MCF2L2: variants seen among roughly 807,000 people sequenced by gnomAD.
MCF2L2 encodes the protein MCF.2 cell line derived transforming sequence-like 2, also known as probable guanine nucleotide exchange factor MCF2L2.
MCF2L2 carries 102 observed loss-of-function variants against 150.2 expected under a neutral mutation model. The ratio of observed to expected loss-of-function variants is 0.68; its 90% CI spans 0.58 to 0.80. The LOEUF (loss-of-function observed/expected upper bound fraction) is 0.80. MCF2L2 is among the 30% of genes least tolerant of loss of function. MCF2L2 has a pLI of 0.00. For synonymous variants in MCF2L2, 465 were observed against 491.3 expected, an observed-to-expected ratio of 0.95 and a Z score of 0.71; for missense variants, 1,256 against 1,372.8, an observed-to-expected ratio of 0.91 and a Z score of 1.34.
intron 6 of MCF2L2, among the ~76,000 whole-genome samples, chr3:183,322,449 T>C (rs1560021072): frequency 6.6e-6 from 1 of 152,032 alleles, no homozygotes; most frequent in Non-Finnish European, 1.5e-5. Flanking sequence ...CCAGTTAACT[T>C]TCCCCACTAA....
At chr3:183,217,539 A>C (rs770673572) in intron 21 of MCF2L2, among the ~76,000 whole-genome samples, 3 of 152,166 alleles carry the variant, frequency 2.0e-5, no homozygotes, top group Non-Finnish European at 2.9e-5. Flanking sequence ...TTTAATGTGG[A>C]AGCCTTATTC....
intron 27 of MCF2L2, among the ~76,000 whole-genome samples, chr3:183,185,706 A>G (rs1052955125): frequency 6.6e-6 from 1 of 152,126 alleles, no homozygotes; most frequent in African/African-American, 2.4e-5. Context: ...AGAGTTCCAA[A>G]ATGTTTCCAG....
chr3:183,255,064 G>A (rs1724916630), intron 15 of MCF2L2, among the ~76,000 whole-genome samples: 1 of 152,218 alleles, frequency 6.6e-6, no homozygotes, highest in African/African-American at 2.4e-5. Flanking sequence ...ATGGTGGCCT[G>A]AGGCTCATAT....
At chr3:183,342,501 G>T (rs891256884) in intron 3 of MCF2L2, among the ~76,000 whole-genome samples, 3 of 152,232 alleles carry the variant, frequency 2.0e-5, no homozygotes, top group East Asian at 3.9e-4. Context: ...TTTATATATT[G>T]TGTGTGCTTT....
At chr3:183,393,891 C>T (rs1714303346) in intron 1 of MCF2L2, among the ~76,000 whole-genome samples, 1 of 152,228 alleles carries the variant, frequency 6.6e-6, no homozygotes, top group African/African-American at 2.4e-5. Context: ...GATATCTCAA[C>T]ACTGTCTGAC....
chr3:183,256,636 A>C (rs1188992273), intron 15 of MCF2L2, among the ~76,000 whole-genome samples: 1 of 152,196 alleles, frequency 6.6e-6, no homozygotes, highest in Non-Finnish European at 1.5e-5. Flanking sequence ...ATACTGTTCT[A>C]CAGCCTAAGA....
chr3:183,288,719 A>G (rs1217665488), intron 14 of MCF2L2, among the ~76,000 whole-genome samples: 1 of 152,072 alleles, frequency 6.6e-6, no homozygotes, highest in East Asian at 1.9e-4. Context: ...TGACCTCGTG[A>G]TCTTCCCACC....
At chr3:183,404,847 T>G (rs1406190747) in intron 1 of MCF2L2, among the ~76,000 whole-genome samples, 1 of 151,732 alleles carries the variant, frequency 6.6e-6, no homozygotes, top group Non-Finnish European at 1.5e-5. Flanking sequence ...CAGGCGACAG[T>G]GCAAGACTCC....
At chr3:183,427,785 AC>A in intron 1 of MCF2L2, 116 bp downstream of exon 1, 8 of 860,100 alleles carry the variant, frequency 9.3e-6, no homozygotes, top group Non-Finnish European at 9.5e-6. Flanking sequence ...ATGCCGGGCA[AC>A]CCCCCAGGAA....
intron 7 of MCF2L2, among the ~76,000 whole-genome samples, chr3:183,316,676 C>T (rs1729616550): frequency 6.7e-6 from 1 of 149,294 alleles, no homozygotes; most frequent in South Asian, 2.1e-4. Context: ...TGACAGTAAT[C>T]TTTGGAATAT....
chr3:183,389,898 C>T, intron 1 of MCF2L2, 119 bp from the exon 2 acceptor site: 2 of 739,462 alleles, frequency 2.7e-6, no homozygotes, highest in Non-Finnish European at 4.7e-6. Flanking sequence ...AGAGACGGTG[C>T]TGGCACAACA....
At chr3:183,382,626 T>C (rs112280190) in intron 2 of MCF2L2, among the ~76,000 whole-genome samples, 1 of 152,088 alleles carries the variant, frequency 6.6e-6, no homozygotes, top group Non-Finnish European at 1.5e-5. Context: ...GAAGAAAGAA[T>C]AATTATTCCA....
chr3:183,416,199 T>C (rs1343357900), intron 1 of MCF2L2, among the ~76,000 whole-genome samples: 2 of 152,200 alleles, frequency 1.3e-5, no homozygotes, highest in East Asian at 1.9e-4. Flanking sequence ...TATCTACGTA[T>C]GTTATAAACC....
In MCF2L2 at chr3:183,406,498, T is replaced by G. The variant is rs150721322; in HGVS notation, c.77-16719A>C. 1.3e-3 allele frequency among the ~76,000 whole-genome samples: 199 copies of G among 151,010 alleles called. 1 individual carries two copies. In the East Asian group the frequency reaches 0.023, roughly 17 times the overall value. ...CAGATATGCTATTCACAAGTCTTGG[T>G]TTTTTTTGAGACAGAGTTTTGCTCT... On this transcript the variant is annotated intron_variant, in intron 1 of 29. Transcript: ENST00000328913.
rs1393623774 is a variant in MCF2L2, at chr3:183,205,909, T to C, written c.2851A>G (p.Lys951Glu). ...TTATTTTGTTGTTCCATCAATAATT[T>C]ACTTATTTCTGAAAACCAACAGTCT... ...IRDCWFSEIS[K>E]LLMEQQNNIK... The change falls in exon 25 of 30, where the codon AAA becomes GAA. Residue 951 changes from lysine to glutamate, a missense_variant. Transcript: ENST00000328913. 3 of 1,614,082 alleles carry C rather than the reference T, an allele frequency of 1.9e-6. No homozygotes were observed. Among genetic ancestry groups the C allele is most frequent in the Middle Eastern group, 3.3e-4 (2 of 6,060 alleles).
chr3:183,357,082 T>C (rs965456650), intron 3 of MCF2L2, among the ~76,000 whole-genome samples: 2 of 152,174 alleles, frequency 1.3e-5, no homozygotes, highest in South Asian at 2.1e-4. Flanking sequence ...ATTAGTGATC[T>C]GAAATCAGTG....
intron 14 of MCF2L2, among the ~76,000 whole-genome samples, chr3:183,285,452 T>C (rs1727734610): frequency 6.6e-6 from 1 of 152,220 alleles, no homozygotes; most frequent in Admixed American, 6.5e-5. Context: ...CATTTACTAG[T>C]TGTATGACCC....
At chr3:183,340,578 G>A (rs1404799489) in intron 4 of MCF2L2, among the ~76,000 whole-genome samples, 1 of 152,120 alleles carries the variant, frequency 6.6e-6, no homozygotes, top group African/African-American at 2.4e-5. Flanking sequence ...TAATGCAAAT[G>A]CAAGCACACC....
intron 3 of MCF2L2, among the ~76,000 whole-genome samples, chr3:183,352,447 C>A (rs1711534237): frequency 6.6e-6 from 1 of 152,156 alleles, no homozygotes; most frequent in African/African-American, 2.4e-5. Context: ...TGCTTGAACC[C>A]CAGAGGCAGA....
Sources: allele counts gnomAD v4.1 joint callset (sites outside exome capture counted in the v4.1 genomes callset), GRCh38; gene constraint gnomAD v4.1.1; transcripts MANE v1.5; gene names NCBI Gene and HGNC (gene_info 2026-07-23, HGNC 2026-07-21).